Variants in SLC25A48 observed in about 807,000 individuals in gnomAD.
SLC25A48 encodes CTC-321K16.1.
Under a neutral mutation model 32.2 loss-of-function variants are expected in SLC25A48, and 29 were observed. The ratio of observed to expected loss-of-function variants is 0.90; its 90% CI spans 0.67 to 1.23. The LOEUF (loss-of-function observed/expected upper bound fraction) is 1.23, where lower values mean the gene tolerates loss of function less well. Among genes scored for constraint, SLC25A48 ranks in the 50% most tolerant of loss-of-function variants. The pLI is 0.00. For synonymous variants in SLC25A48, 164 were observed against 172.3 expected (o/e 0.95, Z 0.38); for missense variants, 399 against 422.7 (o/e 0.94, Z 0.49).
chr5:135,771,007 TC>T (rs1439198634), intron 3 of SLC25A48, among the ~76,000 whole-genome samples: 1 of 151,866 alleles, frequency 6.6e-6, no homozygotes, highest in African/African-American at 2.4e-5. Flanking sequence ...ATGATATTAC[TC>T]CTAATATTGC....
chr5:135,815,386 G>T (rs1757690490), intron 4 of SLC25A48, among the ~76,000 whole-genome samples: 1 of 152,172 alleles, frequency 6.6e-6, no homozygotes, highest in Non-Finnish European at 1.5e-5. Context: ...AGCTCAGGTG[G>T]TAATGTTCTC....
intron 4 of SLC25A48, 147 bp downstream of exon 4, chr5:135,852,968 G>A (rs1760021581): frequency 8.9e-7 from 1 of 1,129,306 alleles, no homozygotes; most frequent in Non-Finnish European, 1.2e-6. Flanking sequence ...GGCATACCTC[G>A]GAGACATGGG....
At chr5:135,669,049 T>C (rs1415033838) in intron 3 of SLC25A48, among the ~76,000 whole-genome samples, 1 of 152,200 alleles carries the variant, frequency 6.6e-6, no homozygotes, top group Non-Finnish European at 1.5e-5. Context: ...ACTCAGGATA[T>C]GCTAGGCACA....
At position 135,781,299 on chromosome 5, in the gene SLC25A48, C is replaced by A. The variant is rs1244306386; in HGVS notation, c.-520-31224C>A. Among the ~76,000 whole-genome samples, 49 of 116,536 alleles carry A rather than the reference C, an allele frequency of 4.2e-4. 10 individuals are homozygous for A. The highest frequency in any genetic ancestry group is 7.5e-4 in the African/African-American group (29 of 38,472). 76.5% of individuals were successfully genotyped at this position (116,536 alleles called of 152,430 possible). On this transcript the variant is annotated intron_variant, in intron 3 of 10. Transcript: ENST00000646290. Reference sequence around the variant, plus strand: ...CAGAAAGTGTACTCCCCACTGTTATCTAAATCGTAATATGCAGAAGGGGTA... The same window carrying A: ...CAGAAAGTGTACTCCCCACTGTTATATAAATCGTAATATGCAGAAGGGGTA...
At chr5:135,784,544 C>T (rs1756790788) in intron 3 of SLC25A48, among the ~76,000 whole-genome samples, 1 of 117,496 alleles carries the variant, frequency 8.5e-6, no homozygotes, top group Non-Finnish European at 2.1e-5. Flanking sequence ...GATATTACCC[C>T]CAATATTGCA....
intron 3 of SLC25A48, chr5:135,650,475 C>T (rs1028324074): frequency 2.4e-5 from 11 of 455,610 alleles, no homozygotes; most frequent in Non-Finnish European, 4.9e-5. Flanking sequence ...CCGGGTTCAT[C>T]AGGAGGGTGC....
intron 1 of SLC25A48, among the ~76,000 whole-genome samples, chr5:135,614,649 T>G (rs1257200291): frequency 1.3e-5 from 2 of 152,218 alleles, no homozygotes; most frequent in Non-Finnish European, 2.9e-5. Flanking sequence ...TGATCATATG[T>G]TTTTTTCCCT....
At chr5:135,653,841 C>A (rs1157867370) in intron 3 of SLC25A48, 3 of 456,118 alleles carry the variant, frequency 6.6e-6, no homozygotes, top group African/African-American at 2.0e-5. Flanking sequence ...TGGGATCCAA[C>A]CTCCAGGACT....
intron 3 of SLC25A48, among the ~76,000 whole-genome samples, chr5:135,757,537 T>C (rs547657788): frequency 6.7e-6 from 1 of 149,550 alleles, no homozygotes; most frequent in East Asian, 2.1e-4. Context: ...ATTGATAAAA[T>C]ATCATCTATA....
At chr5:135,766,339 T>C (rs1756227187) in intron 3 of SLC25A48, among the ~76,000 whole-genome samples, 1 of 107,194 alleles carries the variant, frequency 9.3e-6, no homozygotes. Flanking sequence ...CCCTGTAATA[T>C]GGTTTGTAAT....
Position 135,787,964 on chromosome 5 carries a change from A to G in SLC25A48, c.-520-24559A>G, listed in dbSNP as rs79268059. Among the ~76,000 whole-genome samples the G allele has an allele frequency of 7.2e-3, 1,088 of 152,024 alleles. 12 individuals are homozygous for G. The highest frequency in any genetic ancestry group is 0.025 in the African/African-American group (1,020 of 41,406). On this transcript the variant is annotated intron_variant, in intron 3 of 10. Coordinates refer to the SLC25A48 transcript ENST00000646290. ...GGTGGTATACCCTGTGATATTATTCATAATATTCTAGGGTGATGTTACTCC... is the reference window on the plus strand; with the variant it reads ...GGTGGTATACCCTGTGATATTATTCGTAATATTCTAGGGTGATGTTACTCC...
intron 1 of SLC25A48, among the ~76,000 whole-genome samples, chr5:135,620,249 C>T (rs1752292872): frequency 6.6e-6 from 1 of 152,106 alleles, no homozygotes; most frequent in Non-Finnish European, 1.5e-5. Flanking sequence ...AGGAGAAGTC[C>T]TCAGATGTCA....
At chr5:135,654,956 G>A (rs1297973660) in intron 3 of SLC25A48, among the ~76,000 whole-genome samples, 6 of 152,226 alleles carry the variant, frequency 3.9e-5, no homozygotes, top group Non-Finnish European at 8.8e-5. Flanking sequence ...AATATTTCCT[G>A]TATTGAAACG....
chr5:135,694,811 T>A (rs1754230090), intron 3 of SLC25A48, among the ~76,000 whole-genome samples: 1 of 152,154 alleles, frequency 6.6e-6, no homozygotes, highest in African/African-American at 2.4e-5. Context: ...GGTCTCGAAC[T>A]CCTGACCTCA....
chr5:135,834,603 C>G (rs1044831974), upstream of SLC25A48: 17 of 488,002 alleles, frequency 3.5e-5, no homozygotes, highest in African/African-American at 2.6e-4. Context: ...GCACCCTTAT[C>G]CACCCAGAGT....
chr5:135,602,384 C>T (rs769792860), intron 1 of SLC25A48, among the ~76,000 whole-genome samples: 4 of 152,184 alleles, frequency 2.6e-5, no homozygotes, highest in Non-Finnish European at 5.9e-5. Flanking sequence ...GACCTGGCTT[C>T]CAGGAGGCTG....
intron 3 of SLC25A48, among the ~76,000 whole-genome samples, chr5:135,730,409 G>T (rs1265156773): frequency 1.3e-5 from 2 of 152,128 alleles, no homozygotes; most frequent in Non-Finnish European, 2.9e-5. Flanking sequence ...TTTTTTGCCT[G>T]CCGCCACCCA....
chr5:135,841,521 A>G (rs1758987863), intron 1 of SLC25A48, among the ~76,000 whole-genome samples: 1 of 152,240 alleles, frequency 6.6e-6, no homozygotes. Context: ...GAAAAATAAT[A>G]CAGATTTTAT....
intron 7 of SLC25A48, chr5:135,883,370 A>T (rs1762607938): frequency 1.0e-6 from 1 of 985,338 alleles, no homozygotes; most frequent in Admixed American, 6.1e-5. Context: ...CCCTCCCCCC[A>T]TGGCCATTGT....
Sources: allele counts gnomAD v4.1 joint callset (sites outside exome capture counted in the v4.1 genomes callset), GRCh38; gene constraint gnomAD v4.1.1; transcripts MANE v1.5; gene names NCBI Gene and HGNC (gene_info 2026-07-23, HGNC 2026-07-21).